Variants in ABCD3 observed in about 807,000 individuals in gnomAD.
ABCD3 encodes ATP binding cassette subfamily D member 3.
In ABCD3, 41 loss-of-function variants were observed where a neutral mutation model predicts 105.5. The ratio of observed to expected loss-of-function variants is 0.39; its 90% CI spans 0.30 to 0.50. The LOEUF (loss-of-function observed/expected upper bound fraction) is 0.50, where lower values mean the gene tolerates loss of function less well. Ranked by LOEUF, ABCD3 falls within the 20% of genes least tolerant of loss-of-function variation. The pLI, the probability that ABCD3 is intolerant of heterozygous loss-of-function variation, is 0.84. For synonymous variants in ABCD3, 258 were observed against 269.0 expected (o/e 0.96, Z 0.40); for missense variants, 622 against 806.3 (o/e 0.77, Z 2.77).
chr1:94,502,671 A>AT lies in ABCD3; in HGVS notation c.1740+3066dup, dbSNP rs369662747. On this transcript the variant is annotated intron_variant, in intron 20 of 22. Coordinates refer to ENST00000370214, the MANE Select transcript of ABCD3 (RefSeq NM_002858.4). ...ACCACCACGCCTGGCTAATTTTTGTATTTTTTTTTGTAGAGATGGGGTTTC... is the reference window on the plus strand; with the variant it reads ...ACCACCACGCCTGGCTAATTTTTGTATTTTTTTTTTGTAGAGATGGGGTTTC... Among the ~76,000 whole-genome samples, 35 of 150,064 alleles carry AT rather than the reference A, an allele frequency of 2.3e-4. No individual in the cohort carries two copies. The East Asian group carries it at 2.9e-3, about 13-fold the overall frequency.
chr1:94,517,033 TC>T lies in ABCD3; in HGVS notation c.1903-14del. 6.4e-7 allele frequency: 1 copy of T among 1,570,358 alleles called. No individual in the cohort carries two copies. ...TTCACTCTTAGTTACTGACTTTTTTTCCCCCTTCTTTCCCATAGTACTACCT... is the reference window on the plus strand; with the variant it reads ...TTCACTCTTAGTTACTGACTTTTTTTCCCCTTCTTTCCCATAGTACTACCT... On this transcript the variant is annotated intron_variant, in intron 22 of 22. Coordinates refer to ENST00000370214, the MANE Select transcript of ABCD3 (RefSeq NM_002858.4).
chr1:94,455,875 CTAAG>C (rs1647529204), intron 1 of ABCD3: 2 of 1,220,292 alleles, frequency 1.6e-6, no homozygotes, highest in East Asian at 6.2e-5. Context: ...CCATTTATCT[CTAAG>C]TATCAATTTA....
intron 1 of ABCD3, among the ~76,000 whole-genome samples, chr1:94,440,099 G>A (rs1050082332): frequency 6.6e-6 from 1 of 152,126 alleles, no homozygotes; most frequent in African/African-American, 2.4e-5. Context: ...ATATCTTGTA[G>A]GAATGTGTTT....
intron 4 of ABCD3, among the ~76,000 whole-genome samples, chr1:94,472,656 T>C (rs1648543738): frequency 6.6e-6 from 1 of 152,128 alleles, no homozygotes; most frequent in African/African-American, 2.4e-5. Flanking sequence ...GAGAAGGTCT[T>C]TGGTAAAGAC....
chr1:94,396,610 T>TGTGTGTGC, the ABCD3 span, among the ~76,000 whole-genome samples: 91 of 144,078 alleles, frequency 6.3e-4, no homozygotes, highest in African/African-American at 2.1e-3. Flanking sequence ...TGTGTGTGTG[T>TGTGTGTGC]GCGCGCGCGC....
chr1:94,410,214 G>C, the ABCD3 span, among the ~76,000 whole-genome samples: 6 of 152,078 alleles, frequency 3.9e-5, no homozygotes, highest in Non-Finnish European at 8.8e-5. Context: ...CAACTCCCTA[G>C]CCTGGAATTT....
intron 5 of ABCD3, 90 bp from the exon 6 acceptor site, chr1:94,475,053 T>A: frequency 2.3e-6 from 2 of 858,468 alleles, no homozygotes; most frequent in Non-Finnish European, 3.8e-6. Flanking sequence ...ATTGTAGGAT[T>A]TGGGACACAG....
intron 1 of ABCD3, among the ~76,000 whole-genome samples, chr1:94,448,677 C>T (rs537477587): frequency 9.8e-5 from 15 of 152,294 alleles, no homozygotes; most frequent in Admixed American, 5.2e-4. Flanking sequence ...CTGTGTTAAA[C>T]GTCACCTTTT....
intron 21 of ABCD3, among the ~76,000 whole-genome samples, chr1:94,510,922 T>G (rs983166636): frequency 3.3e-5 from 5 of 152,152 alleles, no homozygotes; most frequent in Non-Finnish European, 7.4e-5. Context: ...TACAGCACAC[T>G]GATGGGTCTT....
intron 16 of ABCD3, among the ~76,000 whole-genome samples, chr1:94,493,657 G>A (rs1409519880): frequency 1.6e-4 from 25 of 151,784 alleles, no homozygotes; most frequent in Middle Eastern, 3.4e-3. Flanking sequence ...TGTTTATTGC[G>A]GCACTATTCA....
At chr1:94,433,568 A>G (rs140875973) in intron 1 of ABCD3, among the ~76,000 whole-genome samples, 10 of 152,202 alleles carry the variant, frequency 6.6e-5, no homozygotes, top group East Asian at 1.9e-4. Context: ...CTCCTAGGCT[A>G]CAAACCTGTA....
intron 9 of ABCD3, chr1:94,482,159 A>G (rs577064157): frequency 6.6e-6 from 1 of 152,318 alleles, no homozygotes; most frequent in Non-Finnish European, 1.5e-5. Flanking sequence ...ATAGAATTGT[A>G]GGCTTCTTAT....
chr1:94,455,105 A>G (rs1206323258), intron 1 of ABCD3, among the ~76,000 whole-genome samples: 3 of 152,220 alleles, frequency 2.0e-5, no homozygotes, highest in Admixed American at 6.5e-5. Context: ...GTGATCATCT[A>G]GAGCCCACAT....
intron 1 of ABCD3, among the ~76,000 whole-genome samples, chr1:94,434,913 GT>G (rs998278958): frequency 6.6e-6 from 1 of 151,688 alleles, no homozygotes; most frequent in African/African-American, 2.4e-5. Context: ...GCATCTTTGT[GT>G]TTCCTATAAT....
At chr1:94,430,884 C>A (rs1287078251) in intron 1 of ABCD3, among the ~76,000 whole-genome samples, 1 of 152,042 alleles carries the variant, frequency 6.6e-6, no homozygotes, top group Non-Finnish European at 1.5e-5. Flanking sequence ...TAAATATACA[C>A]CATGGAAATT....
the ABCD3 span, among the ~76,000 whole-genome samples, chr1:94,395,162 C>A: frequency 6.6e-6 from 1 of 152,144 alleles, no homozygotes; most frequent in Non-Finnish European, 1.5e-5. Flanking sequence ...ATGCTTCTCT[C>A]AATACTCCCC....
chr1:94,434,909 T>G (rs547913431), intron 1 of ABCD3, among the ~76,000 whole-genome samples: 1 of 152,304 alleles, frequency 6.6e-6, no homozygotes, highest in Non-Finnish European at 1.5e-5. Context: ...AATCGCATCT[T>G]TGTGTTTCCT....
chr1:94,481,088 C>T (rs1273498426), intron 9 of ABCD3, among the ~76,000 whole-genome samples: 1 of 152,152 alleles, frequency 6.6e-6, no homozygotes, highest in Non-Finnish European at 1.5e-5. Context: ...AAATCTACCT[C>T]TTCCACTTAT....
intron 8 of ABCD3, among the ~76,000 whole-genome samples, chr1:94,479,743 T>C (rs1446966234): frequency 6.6e-6 from 1 of 152,072 alleles, no homozygotes; most frequent in East Asian, 1.9e-4. Flanking sequence ...AGGAAACATT[T>C]ATATATTTTA....
Sources: gnomAD v4.1 joint callset for allele counts (sites outside exome capture counted in the v4.1 genomes callset) on GRCh38, gnomAD v4.1.1 for gene constraint, MANE v1.5 for transcripts, NCBI Gene and HGNC (gene_info 2026-07-23, HGNC 2026-07-21) for gene names.